PIKFYVE: variants seen among roughly 807,000 people sequenced by gnomAD.
The protein encoded by PIKFYVE is phosphoinositide kinase, FYVE-type zinc finger containing.
A neutral mutation model predicts 257.9 loss-of-function variants in PIKFYVE; 122 were observed. The observed-to-expected ratio is 0.47, with a 90% CI of 0.41 to 0.55. The LOEUF is 0.55. Among genes scored for constraint, PIKFYVE ranks in the 20% least tolerant of loss-of-function variants. The pLI is 0.00. For missense variants in PIKFYVE, 2,160 were observed against 2,536.6 expected (o/e 0.85, Z 3.19); for synonymous variants, 892 against 868.9 (o/e 1.03, Z -0.47).
chr2:208,302,725 A>C (rs543822969), intron 10 of PIKFYVE: 273 of 276,596 alleles, frequency 9.9e-4, no homozygotes, highest in African/African-American at 5.5e-3. Context: ...GAGTATAAAT[A>C]ATAAAATGAA....
chr2:208,338,458 A>T (rs1300599832), intron 28 of PIKFYVE, 50 bp from the exon 29 acceptor site: 1 of 1,575,164 alleles, frequency 6.3e-7, no homozygotes, highest in South Asian at 1.1e-5. Flanking sequence ...AAATTTTTTG[A>T]ATGTGATTTT....
At chr2:208,340,236 A>G in intron 31 of PIKFYVE, 105 bp downstream of exon 31, 2 of 1,404,820 alleles carry the variant, frequency 1.4e-6, no homozygotes, top group Non-Finnish European at 2.0e-6. Flanking sequence ...TTTCAATCCT[A>G]AATTTTATTT....
chr2:208,350,141 C>G (rs1205912572), intron 36 of PIKFYVE, 58 bp downstream of exon 36: 9 of 1,597,364 alleles, frequency 5.6e-6, no homozygotes, highest in Non-Finnish European at 7.7e-6. Context: ...TGAGCCATCT[C>G]TATTATTTGA....
chr2:208,332,378 C>T (rs1697645658), intron 23 of PIKFYVE, among the ~76,000 whole-genome samples: 1 of 152,050 alleles, frequency 6.6e-6, no homozygotes, highest in Non-Finnish European at 1.5e-5. Flanking sequence ...TACACTGGTG[C>T]ACTTGTTTTG....
At position 208,347,957 on chromosome 2, in the gene PIKFYVE, A is replaced by T. The variant is rs757113609; in HGVS notation, c.5308A>T (p.Ser1770Cys). 3 of 1,614,148 alleles carry T rather than the reference A, an allele frequency of 1.9e-6. No individual in the cohort carries two copies. The South Asian group carries it at 3.3e-5, about 18-fold the overall frequency. ...QKRETLRGAD[S>C]AYYQVGQTGK... ...GAGAGAGACCTTACGTGGAGCAGAT[A>T]GTGCTTACTACCAGGTTGGGCAGAC... is the stretch of plus-strand genomic sequence containing the variant. The change falls in exon 35 of 42, where the codon AGT becomes TGT. Residue 1770 changes from serine (S) to cysteine (C), a missense_variant. Physicochemically the swap from Ser to Cys is moderately radical, Grantham distance 112 (BLOSUM62 -1). Around this residue, in one of 12 missense-constraint regions of PIKFYVE, gnomAD observed 699 missense variants for 855.8 expected, o/e 0.82. Coordinates refer to ENST00000264380, the MANE Select transcript of PIKFYVE (RefSeq NM_015040.4).
rs72989262 is a variant in PIKFYVE, at chr2:208,286,023, T to C, written c.821+90T>C. 875 of 1,255,848 alleles carry C rather than the reference T, an allele frequency of 7.0e-4. 2 individuals carry two copies. The highest frequency in any genetic ancestry group is 9.0e-4 in the Non-Finnish European group (795 of 883,360). The allele number at this position is 1,255,848 out of a possible 1,614,324, so 77.8% of individuals were successfully genotyped here. On this transcript the variant is annotated intron_variant, in intron 6 of 41. Coordinates refer to ENST00000264380, the MANE Select transcript of PIKFYVE (RefSeq NM_015040.4). Reference sequence around the variant, plus strand: ...GTGCTTTCAGTTAACACTTACCCTCTTAGAATTATTTCCTGTCAGTTCACT... The same window carrying C: ...GTGCTTTCAGTTAACACTTACCCTCCTAGAATTATTTCCTGTCAGTTCACT...
chr2:208,345,056 T>A, intron 32 of PIKFYVE, 55 bp from the exon 33 acceptor site: 1 of 1,195,684 alleles, frequency 8.4e-7, no homozygotes, highest in East Asian at 2.4e-5. Context: ...GCTTATGATT[T>A]ACTTTTAAAG....
intron 32 of PIKFYVE, 145 bp downstream of exon 32, chr2:208,342,794 C>CTTTTT (rs35986928): frequency 4.1e-4 from 156 of 379,796 alleles, no homozygotes; most frequent in South Asian, 7.2e-4. Flanking sequence ...ATAGCTTGTT[C>CTTTTT]TTTTTTTTTT....
intron 6 of PIKFYVE, among the ~76,000 whole-genome samples, chr2:208,287,600 T>G (rs1401942410): frequency 1.3e-5 from 2 of 151,730 alleles, no homozygotes; most frequent in Non-Finnish European, 2.9e-5. Context: ...ACATTAGTTT[T>G]TATTTATTTA....
intron 16 of PIKFYVE, among the ~76,000 whole-genome samples, chr2:208,319,080 GA>G (rs1368080909): frequency 6.6e-6 from 1 of 152,148 alleles, no homozygotes; most frequent in Non-Finnish European, 1.5e-5. Context: ...ATCACCAGCG[GA>G]AACATTCAAA....
At chr2:208,323,020 T>G (rs960506294) in intron 17 of PIKFYVE, among the ~76,000 whole-genome samples, 1 of 151,770 alleles carries the variant, frequency 6.6e-6, no homozygotes, top group African/African-American at 2.4e-5. Context: ...ACAAAGGACA[T>G]GAACTCATCC....
At chr2:208,307,297 T>C (rs951322996) in intron 12 of PIKFYVE, among the ~76,000 whole-genome samples, 3 of 152,186 alleles carry the variant, frequency 2.0e-5, no homozygotes, top group Non-Finnish European at 4.4e-5. Flanking sequence ...TTATGTAATA[T>C]TGATTGATGA....
At chr2:208,323,267 C>G (rs1417019368) in intron 17 of PIKFYVE, among the ~76,000 whole-genome samples, 1 of 117,720 alleles carries the variant, frequency 8.5e-6, no homozygotes, top group Non-Finnish European at 1.8e-5. Context: ...CCCCTCCCCC[C>G]ACCCCACAAC....
At chr2:208,317,276 C>G (rs1014236640) in intron 15 of PIKFYVE, among the ~76,000 whole-genome samples, 2 of 151,818 alleles carry the variant, frequency 1.3e-5, no homozygotes, top group African/African-American at 4.8e-5. Flanking sequence ...TGAACTCAAA[C>G]AAATTTACAA....
chr2:208,289,484 C>T (rs1214018405), intron 7 of PIKFYVE, among the ~76,000 whole-genome samples: 4 of 151,938 alleles, frequency 2.6e-5, no homozygotes, highest in Non-Finnish European at 4.4e-5. Context: ...GGCTGGAGTG[C>T]GGTGGTGTGA....
At position 208,314,306 on chromosome 2, in the gene PIKFYVE, A is replaced by G. The variant is rs1695236406; in HGVS notation, c.1709A>G (p.Asn570Ser). The G allele has an allele frequency of 6.2e-7, 1 of 1,613,146 alleles. No homozygotes were observed. Residue 570 changes from asparagine to serine, a missense_variant, in exon 14 of 42, where the codon AAT becomes AGT. Coordinates refer to ENST00000264380, the MANE Select transcript of PIKFYVE (RefSeq NM_015040.4). Reference sequence around the variant, plus strand: ...ATATTGTACTTAGAATCCTTATTTAATCGCCGAGTAGAGGAAAAATCCAAA... The same window carrying G: ...ATATTGTACTTAGAATCCTTATTTAGTCGCCGAGTAGAGGAAAAATCCAAA... Reference protein sequence around the residue: ...SDAFIKESLFNRRVEEKSKEL... With the variant: ...SDAFIKESLFSRRVEEKSKEL...
intron 28 of PIKFYVE, among the ~76,000 whole-genome samples, chr2:208,337,313 T>C (rs1194058508): frequency 1.3e-5 from 2 of 152,134 alleles, no homozygotes; most frequent in African/African-American, 2.4e-5. Context: ...AAGAGGTTTT[T>C]CTTAAGGTAT....
At chr2:208,285,978 G>C (rs771338324) in intron 6 of PIKFYVE, 45 bp downstream of exon 6, 1 of 1,566,542 alleles carries the variant, frequency 6.4e-7, no homozygotes. Flanking sequence ...GAAAAATATC[G>C]ATAGTTGTCT....
At chr2:208,348,220 TC>T (rs1233958839) in intron 35 of PIKFYVE, among the ~76,000 whole-genome samples, 197 bp downstream of exon 35, 2 of 152,186 alleles carry the variant, frequency 1.3e-5, no homozygotes, top group Non-Finnish European at 2.9e-5. Flanking sequence ...TTCACTGCCA[TC>T]GTGTACTGTG....
Sources: gnomAD v4.1 joint callset for allele counts (sites outside exome capture counted in the v4.1 genomes callset) on GRCh38, gnomAD v4.1.1 for gene constraint, gnomAD v4.1.1 regional missense constraint, MANE v1.5 for transcripts, NCBI Gene and HGNC (gene_info 2026-07-23, HGNC 2026-07-21) for gene names.